Variants in SYPL2 observed in about 807,000 individuals in gnomAD.
The protein encoded by SYPL2 is synaptophysin-like protein 2.
SYPL2 carries 24 observed loss-of-function variants against 31.3 expected under a neutral mutation model. That is an observed-to-expected ratio of 0.77 (90% confidence interval 0.56 to 1.08). The LOEUF (loss-of-function observed/expected upper bound fraction) is 1.08, where lower values mean the gene tolerates loss of function less well. Among genes scored for constraint, SYPL2 ranks in the 50% least tolerant of loss-of-function variants. SYPL2 has a pLI of 0.00. For missense variants in SYPL2, 342 were observed against 360.1 expected (o/e 0.95, Z 0.41); for synonymous variants, 144 against 143.1 (o/e 1.01, Z -0.05).
At chr1:109,471,886 G>A (rs574857377) in intron 2 of SYPL2, among the ~76,000 whole-genome samples, 2 of 151,020 alleles carry the variant, frequency 1.3e-5, no homozygotes, top group Non-Finnish European at 3.0e-5. Flanking sequence ...TTTTTTTTTG[G>A]TAGAGATGGA....
rs755620753 is a variant in SYPL2 at position 109,475,631 on chromosome 1, AG to A, written c.182del (p.Gly61GlufsTer13). 3 of 1,614,180 alleles carry A rather than the reference AG, an allele frequency of 1.9e-6. No individual in the cohort carries two copies. The highest frequency in any genetic ancestry group is 2.5e-6 in the Non-Finnish European group (3 of 1,180,020). On this transcript the variant is annotated frameshift_variant, in exon 3 of 6. Coordinates refer to ENST00000369872, the MANE Select transcript of SYPL2 (RefSeq NM_001040709.2). LOFTEE classifies it high-confidence loss of function. ...CCTGTGGCTCCTACAGCGGGGAGAC[AG>A]GAGCAATGGTTCGCTGCAACAACGA... ...GSCGSYSGET[G>X]AMVRCNNEAK...
intron 5 of SYPL2, 55 bp from the exon 6 acceptor site, chr1:109,479,323 T>C: frequency 6.3e-7 from 1 of 1,586,004 alleles, no homozygotes; most frequent in Non-Finnish European, 8.6e-7. Flanking sequence ...TCCCCCTCCC[T>C]GTTCCCACAA....
chr1:109,478,902 G>A lies in SYPL2; in HGVS notation c.649-476G>A, dbSNP rs1406257140. 1.3e-5 allele frequency among the ~76,000 whole-genome samples: 2 copies of A among 152,174 alleles called. No individual in the cohort carries two copies. Among genetic ancestry groups the A allele is most frequent in the South Asian group, 2.1e-4 (1 of 4,838 alleles). On this transcript the variant is annotated intron_variant, in intron 5 of 5. Transcript: ENST00000369872. The surrounding 1 kb of genome is among the most constrained non-coding windows in gnomAD (Gnocchi z 4.0). ...GGGACATCAGTACACTTCCCTCTAA[G>A]TACTTCCTGCTGTGAGGTTTTTAAA... is the stretch of plus-strand genomic sequence containing the variant.
At chr1:109,467,156 G>C in intron 2 of SYPL2, 23 bp downstream of exon 2, 1 of 1,533,586 alleles carries the variant, frequency 6.5e-7, no homozygotes, top group Non-Finnish European at 8.8e-7. Context: ...CCCGGCCCCG[G>C]GCTATTTCGG....
chr1:109,467,134 G>A lies in SYPL2; in HGVS notation c.129+1G>A. The A allele has an allele frequency of 6.5e-7, 1 of 1,541,096 alleles. No homozygotes were observed. The highest frequency in any genetic ancestry group is 1.4e-5 in the African/African-American group (1 of 72,856). ...GGGCTTCATCAAAGTTCTCCAGTGG[G>A]TGAGTCGCTGCCCCGGCCCCGGGCT... On this transcript the variant is annotated splice_donor_variant, in intron 2 of 5. Coordinates refer to ENST00000369872, the MANE Select transcript of SYPL2 (RefSeq NM_001040709.2). LOFTEE classifies it high-confidence loss of function.
intron 3 of SYPL2, among the ~76,000 whole-genome samples, chr1:109,475,984 A>C (rs371226995): frequency 6.6e-6 from 1 of 152,234 alleles, no homozygotes; most frequent in African/African-American, 2.4e-5. Context: ...GAAAGAGCCA[A>C]TGCAGTTTGG....
Position 109,477,059 on chromosome 1 carries a change from C to G in SYPL2, c.456+82C>G, listed in dbSNP as rs1033958781. 2.0e-6 allele frequency: 3 copies of G among 1,538,010 alleles called. No individual in the cohort carries two copies. The African/African-American group carries it at 4.1e-5, about 21-fold the overall frequency. On this transcript the variant is annotated intron_variant, in intron 4 of 5. Transcript: ENST00000369872. ...TTGAGGTCAGAACTGGAGCAGAGGACAAGCATGGCGGCTTCCACCCCCATG... is the reference window on the plus strand; with the variant it reads ...TTGAGGTCAGAACTGGAGCAGAGGAGAAGCATGGCGGCTTCCACCCCCATG...
In SYPL2 at chr1:109,478,716, T is replaced by C. The variant is rs904534745; in HGVS notation, c.649-662T>C. Among the ~76,000 whole-genome samples, 17 of 152,210 alleles carry C rather than the reference T, an allele frequency of 1.1e-4. No homozygotes were observed. Among genetic ancestry groups the C allele is most frequent in the African/African-American group, 3.9e-4 (16 of 41,456 alleles). On this transcript the variant is annotated intron_variant, in intron 5 of 5. Transcript: ENST00000369872. This position sits in a 1 kb window ranked among gnomAD's most constrained non-coding sequence, Gnocchi z 4.0. ...CCAAAAAAATTTTATTGTAGAAATG[T>C]TCACAGGTACAACAAAGTTGAAAGA...
intron 2 of SYPL2, among the ~76,000 whole-genome samples, chr1:109,468,770 T>C (rs1457965799): frequency 1.3e-5 from 2 of 152,202 alleles, no homozygotes; most frequent in Non-Finnish European, 2.9e-5. Flanking sequence ...TCTTCAATCC[T>C]GCCATCCTTC....
In SYPL2 at chr1:109,475,604, G is replaced by A; in HGVS notation, c.153G>A (p.Gly51=). 6.2e-7 allele frequency: 1 copy of A among 1,614,060 alleles called. No individual in the cohort carries two copies. Among genetic ancestry groups the A allele is most frequent in the Non-Finnish European group, 8.5e-7 (1 of 1,179,972 alleles). ...AGCTCTTTGCTATTTTCGCCTTCGG[G>A]TCCTGTGGCTCCTACAGCGGGGAGA... The part of the protein sequence containing the change: ...LQWLFAIFAF[G]SCGSYSGETG... The change falls in exon 3 of 6, where the codon GGG becomes GGA. Residue 51 remains glycine, a synonymous_variant. Coordinates refer to ENST00000369872, the MANE Select transcript of SYPL2 (RefSeq NM_001040709.2).
chr1:109,479,330 A>G (rs768875930), intron 5 of SYPL2, 48 bp from the exon 6 acceptor site: 2 of 1,595,496 alleles, frequency 1.3e-6, no homozygotes, highest in South Asian at 2.2e-5. Context: ...CCCTGTTCCC[A>G]CAATGACCCC....
intron 2 of SYPL2, among the ~76,000 whole-genome samples, chr1:109,471,579 GA>G (rs996429335): frequency 2.8e-4 from 23 of 82,272 alleles, no homozygotes; most frequent in African/African-American, 8.0e-4. Flanking sequence ...TGACTGAACT[GA>G]ATTTTTTTTT....
chr1:109,479,360 C>T lies in SYPL2; in HGVS notation c.649-18C>T. 6.2e-7 allele frequency: 1 copy of T among 1,612,694 alleles called. No homozygotes were observed. The highest frequency in any genetic ancestry group is 8.5e-7 in the Non-Finnish European group (1 of 1,178,868). ...GACCCCCTGACTATTCTCACAAATT[C>T]CCCTGATGTCTTTGCAGCTCTTTGG... On this transcript the variant is annotated intron_variant, in intron 5 of 5. Coordinates refer to ENST00000369872, the MANE Select transcript of SYPL2 (RefSeq NM_001040709.2).
In SYPL2 at chr1:109,476,948, TAC is replaced by T; in HGVS notation, c.431_432del (p.Thr144ArgfsTer121). 2 of 1,614,188 alleles carry T rather than the reference TAC, an allele frequency of 1.2e-6. No individual in the cohort carries two copies. Among genetic ancestry groups the T allele is most frequent in the Non-Finnish European group, 1.7e-6 (2 of 1,180,032 alleles). ...LVIYLRFHNL[Y>X]TENKRFPLVD... ...TATCTACCTGCGCTTCCACAACCTC[TAC>T]ACAGAGAACAAACGCTTCCCGCTGG... is the stretch of plus-strand genomic sequence containing the variant. On this transcript the variant is annotated frameshift_variant, in exon 4 of 6. Coordinates refer to ENST00000369872, the MANE Select transcript of SYPL2 (RefSeq NM_001040709.2). LOFTEE classifies it high-confidence loss of function.
In SYPL2 at chr1:109,475,484, C is replaced by T. The variant is rs1040394356; in HGVS notation, c.130-97C>T. 1.2e-5 allele frequency: 18 copies of T among 1,499,404 alleles called. No individual in the cohort carries two copies. In the Middle Eastern group the frequency reaches 5.9e-4, roughly 49 times the overall value. 92.9% of individuals were successfully genotyped at this position (1,499,404 alleles called of 1,614,324 possible). Reference sequence around the variant, plus strand: ...GGGGATCCTCACTCTCCCCCACTCCCGCACTTAATGTCTGCACCTGCGGGG... The same window carrying T: ...GGGGATCCTCACTCTCCCCCACTCCTGCACTTAATGTCTGCACCTGCGGGG... On this transcript the variant is annotated intron_variant, in intron 2 of 5. Transcript: ENST00000369872.
At chr1:109,470,312 A>G (rs1655791871) in intron 2 of SYPL2, among the ~76,000 whole-genome samples, 1 of 152,182 alleles carries the variant, frequency 6.6e-6, no homozygotes, top group South Asian at 2.1e-4. Context: ...AAACAATGAG[A>G]TAAGCGTGGG....
intron 3 of SYPL2, 66 bp from the exon 4 acceptor site, chr1:109,476,710 A>C: frequency 6.6e-7 from 1 of 1,511,908 alleles, no homozygotes; most frequent in Non-Finnish European, 9.1e-7. Context: ...CTAGCACAGG[A>C]CTACTTCTGG....
rs534640299 is a variant in SYPL2 at position 109,470,866 on chromosome 1, CTCT to C, written c.129+3738_129+3740del. ...AATCCTCAATGCACATGGTAGAGAT[CTCT>C]TCTTTAGCCTCAATAACTCTGGGAT... On this transcript the variant is annotated intron_variant, in intron 2 of 5. Transcript: ENST00000369872. Among the ~76,000 whole-genome samples the C allele has an allele frequency of 9.2e-5, 14 of 152,260 alleles. No individual in the cohort carries two copies. The East Asian group carries it at 2.5e-3, about 27-fold the overall frequency.
chr1:109,478,022 G>A lies in SYPL2; in HGVS notation c.648+13G>A, dbSNP rs1656055639. On this transcript the variant is annotated intron_variant, in intron 5 of 5. Coordinates refer to ENST00000369872, the MANE Select transcript of SYPL2 (RefSeq NM_001040709.2). This position sits in a 1 kb window ranked among gnomAD's most constrained non-coding sequence, Gnocchi z 4.0. The stretch of plus-strand genomic sequence containing the variant: ...CAACATCTCCGTGGTGAGACCTGTG[G>A]CCACTGCAGGAAGCAGCACCAGCCC... The A allele has an allele frequency of 1.2e-6, 2 of 1,613,466 alleles. No individual in the cohort carries two copies. The highest frequency in any genetic ancestry group is 1.7e-6 in the Non-Finnish European group (2 of 1,179,912).
Sources: allele counts gnomAD v4.1 joint callset (sites outside exome capture counted in the v4.1 genomes callset), GRCh38; gene constraint gnomAD v4.1.1; non-coding constraint Gnocchi (gnomAD v3.1); transcripts MANE v1.5; gene names NCBI Gene and HGNC (gene_info 2026-07-23, HGNC 2026-07-21).